Variants in ZCCHC14 observed in about 807,000 individuals in gnomAD.
The protein encoded by ZCCHC14 is zinc finger CCHC domain-containing protein 14.
ZCCHC14 carries 16 observed loss-of-function variants against 85.0 expected under a neutral mutation model. The ratio of observed to expected loss-of-function variants is 0.19; its 90% confidence interval spans 0.13 to 0.29. ZCCHC14 has a LOEUF of 0.29. Ranked by LOEUF, ZCCHC14 falls within the 10% of genes least tolerant of loss-of-function variation. The pLI, the probability that ZCCHC14 is intolerant of heterozygous loss-of-function variation, is 1.00. For missense variants in ZCCHC14, 1,303 were observed against 1,443.5 expected, an observed-to-expected ratio of 0.90 and a Z score of 1.58; for synonymous variants, 775 against 630.7, an observed-to-expected ratio of 1.23 and a Z score of -3.43.
At chr16:87,457,767 A>G (rs917486675) in intron 2 of ZCCHC14, among the ~76,000 whole-genome samples, 8 of 152,332 alleles carry the variant, frequency 5.3e-5, no homozygotes, top group South Asian at 2.1e-4. Context: ...CTGAAGGGCA[A>G]TAACCTGCAC....
intron 10 of ZCCHC14, 103 bp from the exon 11 acceptor site, chr16:87,413,298 A>G: frequency 7.1e-7 from 1 of 1,415,236 alleles, no homozygotes; most frequent in East Asian, 2.5e-5. Context: ...CCTTCCAGGG[A>G]AACGCAGGGC....
chr16:87,421,798 A>T (rs889190033), intron 4 of ZCCHC14, among the ~76,000 whole-genome samples: 2 of 152,124 alleles, frequency 1.3e-5, no homozygotes, highest in African/African-American at 2.4e-5. Context: ...TCCTGCCCAG[A>T]TGGCCTCCAG....
At chr16:87,444,955 G>C (rs914504476) in intron 2 of ZCCHC14, among the ~76,000 whole-genome samples, 12 of 152,144 alleles carry the variant, frequency 7.9e-5, no homozygotes, top group African/African-American at 2.9e-4. Context: ...ACATGATCAC[G>C]ATTTGGGGAT....
intron 2 of ZCCHC14, among the ~76,000 whole-genome samples, chr16:87,442,449 C>T (rs1313021191): frequency 1.3e-5 from 2 of 152,152 alleles, no homozygotes; most frequent in South Asian, 4.1e-4. Flanking sequence ...GCTAGAACTA[C>T]CAAAGACACA....
Position 87,420,384 on chromosome 16 carries a change from C to A in ZCCHC14, c.950+223G>T, listed in dbSNP as rs1264522257. The stretch of plus-strand genomic sequence containing the variant: ...TGCCAAAGCCCAAGACGTGGTGGGA[C>A]CCACCCTGGAATTCCCTTCCTCACA... On this transcript the variant is annotated intron_variant, in intron 5 of 12. Transcript: ENST00000671377. This position sits in a 1 kb window ranked among gnomAD's most constrained non-coding sequence, Gnocchi z 5.0. Among the ~76,000 whole-genome samples the A allele has an allele frequency of 6.6e-6, 1 of 152,176 alleles. No homozygotes were observed. The highest frequency in any genetic ancestry group is 1.5e-5 in the Non-Finnish European group (1 of 68,038).
chr16:87,462,750 A>G (rs1193736499), intron 1 of ZCCHC14, among the ~76,000 whole-genome samples: 1 of 145,274 alleles, frequency 6.9e-6, no homozygotes, highest in African/African-American at 2.6e-5. Flanking sequence ...AAAAAAAAAA[A>G]AGAAAAAAGA....
chr16:87,490,048 C>T (rs556362587), intron 1 of ZCCHC14, among the ~76,000 whole-genome samples: 1 of 152,278 alleles, frequency 6.6e-6, no homozygotes, highest in East Asian at 1.9e-4. Flanking sequence ...ACTACATTTC[C>T]TAGGACCCTC....
intron 1 of ZCCHC14, among the ~76,000 whole-genome samples, chr16:87,480,225 A>G (rs1912204126): frequency 6.6e-6 from 1 of 151,886 alleles, no homozygotes; most frequent in South Asian, 2.1e-4. Flanking sequence ...AACACGGTGA[A>G]ACTCCGTCTC....
In ZCCHC14 at chr16:87,412,844, C is replaced by A; in HGVS notation, c.1877G>T (p.Gly626Val). The A allele has an allele frequency of 6.2e-7, 1 of 1,608,928 alleles. No individual in the cohort carries two copies. The highest frequency in any genetic ancestry group is 2.2e-5 in the East Asian group (1 of 44,830). The change falls in exon 12 of 13, where the codon GGC becomes GTC. Residue 626 changes from glycine (G) to valine (V), a missense_variant. By Grantham distance (109) the Gly-to-Val change is moderately radical. Transcript: ENST00000671377. The part of the protein sequence containing the change: ...VQNEASSNPS[G>V]HHPLPPQMLS... ...CATCTGCGGGGGCAGGGGGTGGTGG[C>A]CTGATGGATTGGAGCTGGCCTCATT...
rs1190024040 is a variant in ZCCHC14 at position 87,414,485 on chromosome 16, C to G, written c.1532G>C (p.Ser511Thr). 6 of 1,613,440 alleles carry G rather than the reference C, an allele frequency of 3.7e-6. No individual in the cohort carries two copies. The South Asian group carries it at 6.6e-5, about 18-fold the overall frequency. ...GGTGGGGGGCACTCGAGCCACACCA[C>G]TGCTGGTGACCAGCGGCGGGGCCGA... ...NPSAPPLVTS[S>T]GVARVPPTSH... Residue 511 changes from serine (S) to threonine (T), a missense_variant, in exon 10 of 13, where the codon AGT becomes ACT. Transcript: ENST00000671377.
chr16:87,466,122 T>C (rs555126730), intron 1 of ZCCHC14, among the ~76,000 whole-genome samples: 24 of 149,656 alleles, frequency 1.6e-4, no homozygotes, highest in Admixed American at 1.6e-3. Context: ...CTCAGGTATT[T>C]ACGCTTTTTT....
intron 9 of ZCCHC14, 63 bp downstream of exon 9, chr16:87,415,213 C>A (rs185756333): frequency 6.1e-5 from 89 of 1,470,860 alleles, no homozygotes; most frequent in Admixed American, 2.0e-4. Context: ...GAAGCCTCAG[C>A]ACTCCATTCG....
In ZCCHC14 at chr16:87,410,284, T is replaced by C; in HGVS notation, c.3257A>G (p.Asp1086Gly). 1.3e-6 allele frequency: 1 copy of C among 773,636 alleles called. No homozygotes were observed. Among genetic ancestry groups the C allele is most frequent in the Admixed American group, 1.7e-5 (1 of 57,184 alleles). 47.9% of individuals were successfully genotyped at this position (773,636 alleles called of 1,614,324 possible). The change falls in exon 13 of 13, where the codon GAT becomes GGT. Residue 1086 changes from aspartate to glycine, a missense_variant. Physicochemically the swap from Asp to Gly is moderately conservative, Grantham distance 94 (BLOSUM62 -1). Transcript: ENST00000671377. ...TTCTGTTGCCAGAGAAAAATATCAA[T>C]CTGTGGAGTCCAGACTTTCTGCTGG... is the stretch of plus-strand genomic sequence containing the variant. ...APPAESLDST[D>G]
intron 2 of ZCCHC14, among the ~76,000 whole-genome samples, chr16:87,445,167 A>G (rs1466481526): frequency 6.6e-6 from 1 of 151,992 alleles, no homozygotes; most frequent in Non-Finnish European, 1.5e-5. Flanking sequence ...CCCAGGTTCA[A>G]GCAATTCTCC....
chr16:87,428,667 A>G (rs1479376823), intron 3 of ZCCHC14, among the ~76,000 whole-genome samples: 2 of 152,208 alleles, frequency 1.3e-5, no homozygotes, highest in Non-Finnish European at 2.9e-5. Flanking sequence ...CATGGCAGGG[A>G]GCATCACCCC....
At chr16:87,486,445 T>A (rs73242748) in intron 1 of ZCCHC14, among the ~76,000 whole-genome samples, 40 of 152,288 alleles carry the variant, frequency 2.6e-4, no homozygotes, top group African/African-American at 9.1e-4. Context: ...AGCAACAGGC[T>A]CTACAATGTG....
At chr16:87,424,977 C>A (rs1215234967) in intron 3 of ZCCHC14, among the ~76,000 whole-genome samples, 1 of 152,134 alleles carries the variant, frequency 6.6e-6, no homozygotes, top group Non-Finnish European at 1.5e-5. Flanking sequence ...AGCTCACAGG[C>A]ACCCAAACCA....
chr16:87,444,196 A>G (rs1910325546), intron 2 of ZCCHC14, among the ~76,000 whole-genome samples: 1 of 152,338 alleles, frequency 6.6e-6, no homozygotes, highest in African/African-American at 2.4e-5. Flanking sequence ...TTCCCACTAA[A>G]TGAACCTAGG....
At chr16:87,462,463 G>A (rs1056449775) in intron 1 of ZCCHC14, among the ~76,000 whole-genome samples, 9 of 152,180 alleles carry the variant, frequency 5.9e-5, no homozygotes, top group Admixed American at 1.3e-4. Context: ...AGCCAAGGCC[G>A]GGTGCAGTGG....
Sources: gnomAD v4.1 joint callset for allele counts (sites outside exome capture counted in the v4.1 genomes callset) on GRCh38, gnomAD v4.1.1 for gene constraint, Gnocchi (gnomAD v3.1) non-coding constraint, MANE v1.5 for transcripts, NCBI Gene and HGNC (gene_info 2026-07-23, HGNC 2026-07-21) for gene names.